Variants in EPCIP observed in about 807,000 individuals in gnomAD.
EPCIP encodes the protein exosomal polycystin 1 interacting protein.
the EPCIP span, among the ~76,000 whole-genome samples, chr21:32,805,650 C>T: frequency 1.3e-5 from 2 of 152,176 alleles, no homozygotes; most frequent in African/African-American, 2.4e-5. Context: ...GTGTAAGCCA[C>T]TGCGCCTGGC....
the EPCIP span, among the ~76,000 whole-genome samples, chr21:32,800,465 C>T: frequency 1.6e-4 from 24 of 152,188 alleles, no homozygotes; most frequent in Non-Finnish European, 3.1e-4. Flanking sequence ...TTAAACATGT[C>T]CAGTGATTTA....
chr21:32,800,398 C>G, the EPCIP span, among the ~76,000 whole-genome samples: 1 of 152,216 alleles, frequency 6.6e-6, no homozygotes, highest in Non-Finnish European at 1.5e-5. Context: ...CTTGAGATTT[C>G]TTCAGCTGCA....
At chr21:32,808,838 T>C in the EPCIP span, among the ~76,000 whole-genome samples, 84 of 152,338 alleles carry the variant, frequency 5.5e-4, no homozygotes, top group African/African-American at 1.3e-3. Flanking sequence ...TCTGTAAACC[T>C]GAAACTATTG....
At chr21:32,804,122 C>G in the EPCIP span, among the ~76,000 whole-genome samples, 23 of 152,136 alleles carry the variant, frequency 1.5e-4, 1 homozygote, top group African/African-American at 5.5e-4. Flanking sequence ...TTTGAGAGGA[C>G]ACACTTTAAA....
At chr21:32,791,296 T>C in the EPCIP span, 3 of 152,358 alleles carry the variant, frequency 2.0e-5, no homozygotes, top group African/African-American at 7.2e-5. Context: ...TCAAAAGACT[T>C]ACTTAAAACA....
the EPCIP span, among the ~76,000 whole-genome samples, chr21:32,807,970 G>A: frequency 1.3e-5 from 2 of 152,314 alleles, no homozygotes; most frequent in East Asian, 1.9e-4. Flanking sequence ...AATGGAGACC[G>A]TGAGTCCCAA....
chr21:32,798,343 G>T, the EPCIP span: 1 of 152,274 alleles, frequency 6.6e-6, no homozygotes, highest in African/African-American at 2.4e-5. Flanking sequence ...GCAGGTTCAG[G>T]GCAAGGTGTG....
At chr21:32,805,350 T>G in the EPCIP span, among the ~76,000 whole-genome samples, 1 of 80,708 alleles carries the variant, frequency 1.2e-5, no homozygotes, top group African/African-American at 5.3e-5. Context: ...CCACTAACAT[T>G]GTAGATTATA....
the EPCIP span, among the ~76,000 whole-genome samples, chr21:32,807,334 C>CTTATTT: frequency 7.7e-6 from 1 of 130,002 alleles, no homozygotes; most frequent in African/African-American, 2.9e-5. Flanking sequence ...CCTCTTATGC[C>CTTATTT]TTTTTTTTTT....
chr21:32,799,565 G>A, the EPCIP span, among the ~76,000 whole-genome samples: 1 of 152,068 alleles, frequency 6.6e-6, no homozygotes, highest in Admixed American at 6.6e-5. Context: ...TTCTTGCCAG[G>A]GCATCTTCTC....
At chr21:32,796,280 A>G in the EPCIP span, among the ~76,000 whole-genome samples, 1 of 152,148 alleles carries the variant, frequency 6.6e-6, no homozygotes. Context: ...AGGCGAGAGG[A>G]GGGGGCAAAT....
chr21:32,811,351 C>T, the EPCIP span, among the ~76,000 whole-genome samples: 5 of 152,140 alleles, frequency 3.3e-5, no homozygotes, highest in Admixed American at 1.3e-4. Flanking sequence ...AGGCTGGTCT[C>T]GAACTCCTGA....
chr21:32,793,431 T>C, the EPCIP span: 1 of 437,714 alleles, frequency 2.3e-6, no homozygotes, highest in Admixed American at 3.9e-5. Flanking sequence ...CTCTAGGGTG[T>C]ATTGCTTTCT....
chr21:32,804,643 A>G, the EPCIP span, among the ~76,000 whole-genome samples: 4 of 152,056 alleles, frequency 2.6e-5, no homozygotes, highest in Non-Finnish European at 5.9e-5. Context: ...CATTTAATGC[A>G]TTACTTGTAT....
chr21:32,793,741 C>G, the EPCIP span: 28 of 1,610,872 alleles, frequency 1.7e-5, no homozygotes, highest in South Asian at 2.3e-4. Context: ...AAGTTCCAGG[C>G]AGCTGGACAC....
the EPCIP span, among the ~76,000 whole-genome samples, chr21:32,793,051 C>T: frequency 1.3e-5 from 2 of 152,004 alleles, no homozygotes; most frequent in African/African-American, 4.8e-5. Context: ...CCTCCGCCTC[C>T]CAGGTTCAAG....
chr21:32,798,527 C>T, the EPCIP span: 1 of 152,366 alleles, frequency 6.6e-6, no homozygotes, highest in East Asian at 1.9e-4. Context: ...CTTAAAACTT[C>T]CTCCCCTAGT....
the EPCIP span, chr21:32,793,844 G>A: frequency 1.1e-5 from 17 of 1,614,008 alleles, no homozygotes; most frequent in Non-Finnish European, 1.4e-5. Flanking sequence ...AAAGTTGTTG[G>A]CAATGCTGGT....
At chr21:32,793,729 C>T in the EPCIP span, 3 of 1,605,554 alleles carry the variant, frequency 1.9e-6, no homozygotes, top group East Asian at 6.7e-5. Flanking sequence ...CATCATTTGC[C>T]AAAGTTCCAG....
Sources: gnomAD v4.1 joint callset for allele counts (sites outside exome capture counted in the v4.1 genomes callset) on GRCh38, gnomAD v4.1.1 for gene constraint, MANE v1.5 for transcripts, NCBI Gene and HGNC (gene_info 2026-07-23, HGNC 2026-07-21) for gene names.